Variants in NINL observed in about 807,000 individuals in gnomAD.
NINL encodes ninein like.
A neutral mutation model predicts 160.3 loss-of-function variants in NINL; 153 were observed. That is an observed-to-expected ratio of 0.95 (90% confidence interval 0.84 to 1.09). NINL has a LOEUF of 1.09. Among genes scored for constraint, NINL ranks in the 50% least tolerant of loss-of-function variants. The pLI, the probability that NINL is intolerant of heterozygous loss-of-function variation, is 0.00. For synonymous variants in NINL, 800 were observed against 734.8 expected (o/e 1.09, Z -1.43); for missense variants, 1,829 against 1,764.0 (o/e 1.04, Z -0.66).
intron 18 of NINL, among the ~76,000 whole-genome samples, chr20:25,468,215 C>CACAT (rs1262697924): frequency 6.6e-6 from 1 of 152,152 alleles, no homozygotes; most frequent in Non-Finnish European, 1.5e-5. Flanking sequence ...CTGCTCTGTC[C>CACAT]CCTGACTCTC....
At position 25,489,046 on chromosome 20, in the gene NINL, A is replaced by C. The variant is rs1438753475; in HGVS notation, c.1677+198T>G. 3.7e-5 allele frequency: 22 copies of C among 602,278 alleles called. No individual in the cohort carries two copies. The East Asian group carries it at 5.6e-4, about 15-fold the overall frequency. The allele number at this position is 602,278 out of a possible 1,614,324, so 37.3% of individuals were successfully genotyped here. Reference sequence around the variant, plus strand: ...AATGCCCTGCATGGTCCCTGGACACACAGAGGCGGCCTTCAGGATAGGTGG... The same window carrying C: ...AATGCCCTGCATGGTCCCTGGACACCCAGAGGCGGCCTTCAGGATAGGTGG... On this transcript the variant is annotated intron_variant, in intron 13 of 23. Coordinates refer to ENST00000278886, the MANE Select transcript of NINL (RefSeq NM_025176.6).
chr20:25,504,183 C>T (rs1408584516), intron 6 of NINL, 79 bp from the exon 7 acceptor site: 6 of 1,455,526 alleles, frequency 4.1e-6, no homozygotes, highest in Admixed American at 2.3e-5. Flanking sequence ...CCCTCCCTCC[C>T]TCCCTCTGGT....
intron 15 of NINL, 45 bp downstream of exon 15, chr20:25,480,116 C>T (rs1196571113): frequency 4.3e-6 from 6 of 1,393,986 alleles, no homozygotes; most frequent in African/African-American, 2.8e-5. Context: ...GCCCAACACA[C>T]AGCAGCTACT....
chr20:25,472,324 G>GAT (rs56260321), intron 17 of NINL, among the ~76,000 whole-genome samples: 4,624 of 83,118 alleles, frequency 0.056, 214 homozygotes, highest in Admixed American at 0.075. Flanking sequence ...GGGAGGAGAG[G>GAT]ATATATATAT....
Position 25,500,901 on chromosome 20 carries a change from GGA to G in NINL, c.969_970del (p.Pro324Ter). On this transcript the variant is annotated frameshift_variant, in exon 8 of 24. Coordinates refer to ENST00000278886, the MANE Select transcript of NINL (RefSeq NM_025176.6). LOFTEE classifies it high-confidence loss of function. ...GGTCCACATGGCCAGGACCTGATCA[GGA>G]AAAGCGAAGCCAGAACCATCGTCAA... The G allele has an allele frequency of 6.2e-7, 1 of 1,614,238 alleles. No homozygotes were observed. The highest frequency in any genetic ancestry group is 8.5e-7 in the Non-Finnish European group (1 of 1,180,058).
At chr20:25,534,504 C>A (rs2064523559) in intron 1 of NINL, among the ~76,000 whole-genome samples, 1 of 152,154 alleles carries the variant, frequency 6.6e-6, no homozygotes, top group South Asian at 2.1e-4. Flanking sequence ...CTTACACAAA[C>A]CAAGATAGCA....
chr20:25,580,085 C>T (rs2065156253), intron 1 of NINL, among the ~76,000 whole-genome samples: 1 of 152,164 alleles, frequency 6.6e-6, no homozygotes, highest in Non-Finnish European at 1.5e-5. Flanking sequence ...GTAATCCCAG[C>T]ACTTTGGGAG....
At chr20:25,530,745 G>A (rs1018981355) in intron 1 of NINL, among the ~76,000 whole-genome samples, 2 of 152,232 alleles carry the variant, frequency 1.3e-5, no homozygotes, top group South Asian at 2.1e-4. Context: ...GGGAGGGAGT[G>A]AGCGAATAGG....
At chr20:25,498,955 C>T (rs894903751) in intron 8 of NINL, 89 of 985,382 alleles carry the variant, frequency 9.0e-5, no homozygotes, top group Middle Eastern at 5.2e-4. Context: ...CACCCTAAGA[C>T]CCTCAGCTCA....
Position 25,555,270 on chromosome 20 carries a change from G to A in NINL, c.-11-28672C>T, listed in dbSNP as rs553919834. 3.3e-5 allele frequency among the ~76,000 whole-genome samples: 5 copies of A among 152,194 alleles called. No homozygotes were observed. In the East Asian group the frequency reaches 5.8e-4, roughly 18 times the overall value. The stretch of plus-strand genomic sequence containing the variant: ...GGCTCTCAGGCACCTCTTCCGTAAC[G>A]TACAGACAGGCCCCACAACAAAGCA... On this transcript the variant is annotated intron_variant, in intron 1 of 23. Transcript: ENST00000278886.
chr20:25,490,031 G>A, intron 11 of NINL, 46 bp from the exon 12 acceptor site: 1 of 1,520,796 alleles, frequency 6.6e-7, no homozygotes. Context: ...GCAGGACGGA[G>A]GGGATGTGTG....
At chr20:25,516,581 C>G (rs540389733) in intron 3 of NINL, among the ~76,000 whole-genome samples, 1 of 152,158 alleles carries the variant, frequency 6.6e-6, no homozygotes, top group Non-Finnish European at 1.5e-5. Flanking sequence ...GAGGACCAGG[C>G]TGTCACCTCC....
At position 25,458,408 on chromosome 20, in the gene NINL, G is replaced by A. The variant is rs1726191791; in HGVS notation, c.3818C>T (p.Ala1273Val). ...HRLLSLQGEQ[A>V]RRRLDAQREE... The stretch of plus-strand genomic sequence containing the variant: ...CCGCTGTGCATCCAGGCGCCTCCTG[G>A]CCTGCTCTCCCTGAAGGCTGAGCAG... Residue 1273 changes from alanine to valine, a missense_variant, in exon 22 of 24, where the codon GCC becomes GTC. Ala to Val is a moderately conservative substitution (Grantham distance 64). Transcript: ENST00000278886. The A allele has an allele frequency of 6.2e-7, 1 of 1,606,478 alleles. No homozygotes were observed. The highest frequency in any genetic ancestry group is 8.5e-7 in the Non-Finnish European group (1 of 1,179,960).
At position 25,478,925 on chromosome 20, in the gene NINL, G is replaced by A; in HGVS notation, c.2199C>T (p.Ile733=). 6.5e-7 allele frequency: 1 copy of A among 1,532,994 alleles called. No individual in the cohort carries two copies. Among genetic ancestry groups the A allele is most frequent in the East Asian group, 2.3e-5 (1 of 43,958 alleles). 95.0% of individuals were successfully genotyped at this position (1,532,994 alleles called of 1,614,324 possible). A position where few individuals can be genotyped will look rare whatever the true frequency, so the allele number is the denominator to read the frequency against. The change falls in exon 16 of 24, where the codon ATC becomes ATT. Residue 733 remains isoleucine, a splice_region_variant and synonymous_variant. Coordinates refer to ENST00000278886, the MANE Select transcript of NINL (RefSeq NM_025176.6). ...ATCTCAAAAGAAGCTGGCTGGACCT[G>A]ATCTGCTGCAGGTGGCTGTGATGCC... ...ALRHHSHLQQ[I]RREAEAELSG... is the part of the protein sequence containing the mutation.
chr20:25,491,667 C>G, intron 10 of NINL, 142 bp from the exon 11 acceptor site: 1 of 989,032 alleles, frequency 1.0e-6, no homozygotes, highest in Non-Finnish European at 1.4e-6. Flanking sequence ...GCTGAGCTGC[C>G]CATGCTGGGA....
Position 25,461,562 on chromosome 20 carries a change from C to A in NINL, c.3656G>T (p.Trp1219Leu), listed in dbSNP as rs760945296. The change falls in exon 21 of 24, where the codon TGG (tryptophan) becomes TTG (leucine). Residue 1219 changes from tryptophan to leucine, a missense_variant. Physicochemically the swap from Trp to Leu is moderately conservative, Grantham distance 61. Coordinates refer to ENST00000278886, the MANE Select transcript of NINL (RefSeq NM_025176.6). The stretch of plus-strand genomic sequence containing the variant: ...CTCAAGGGTCTGGGTCAGCTCTGAC[C>A]ATGGCAGCTGCAGGCTCTGATGTTC... ...NQEHQSLQLP[W>L]SELTQTLEES... is the part of the protein sequence containing the mutation. 5.0e-5 allele frequency: 81 copies of A among 1,604,636 alleles called. No individual in the cohort carries two copies. The highest frequency in any genetic ancestry group is 6.5e-5 in the Non-Finnish European group (76 of 1,176,698).
chr20:25,473,675 TACACACACAC>T (rs56359105), intron 17 of NINL, among the ~76,000 whole-genome samples: 201 of 137,980 alleles, frequency 1.5e-3, no homozygotes, highest in Middle Eastern at 3.6e-3. Context: ...AATACACACA[TACACACACAC>T]ACACACACAC....
At chr20:25,545,988 A>ATTT (rs67346359) in intron 1 of NINL, among the ~76,000 whole-genome samples, 2 of 147,386 alleles carry the variant, frequency 1.4e-5, no homozygotes, top group Admixed American at 6.7e-5. Context: ...TTTTGTTTTT[A>ATTT]TTTTTTTTTT....
rs1030923124 is a variant in NINL at position 25,498,999 on chromosome 20, T to A, written c.1033-653A>T. On this transcript the variant is annotated intron_variant, in intron 8 of 23. Transcript: ENST00000278886. ...GCAGCTAACGTTCTGTCGTGTTTGC[T>A]TTTTCCGCCTTGGGTATTCCTGGCT... The A allele has an allele frequency of 1.0e-4, 101 of 985,472 alleles. 2 individuals are homozygous for A. The highest frequency in any genetic ancestry group is 5.2e-4 in the Middle Eastern group (1 of 1,914). The allele number at this position is 985,472 out of a possible 1,614,324, so 61.0% of individuals were successfully genotyped here.
Sources: allele counts gnomAD v4.1 joint callset (sites outside exome capture counted in the v4.1 genomes callset), GRCh38; gene constraint gnomAD v4.1.1; transcripts MANE v1.5; gene names NCBI Gene and HGNC (gene_info 2026-07-23, HGNC 2026-07-21).